The following PUM2 variants were observed in gnomAD, a reference collection of about 807,000 sequenced individuals.
PUM2 encodes pumilio homolog 2.
A neutral mutation model predicts 124.5 loss-of-function variants in PUM2; 57 were observed. The observed-to-expected ratio is 0.46, with a 90% CI of 0.37 to 0.57. The LOEUF (loss-of-function observed/expected upper bound fraction) is 0.57. Ranked by LOEUF, PUM2 falls within the 20% of genes least tolerant of loss-of-function variation. The pLI is 0.00. For missense variants in PUM2, 1,065 were observed against 1,290.6 expected (o/e 0.83, Z 2.68); for synonymous variants, 460 against 446.1 (o/e 1.03, Z -0.39).
At chr2:20,312,207 T>C (rs1679765600) in intron 4 of PUM2, 29 bp downstream of exon 4, 1 of 1,524,914 alleles carries the variant, frequency 6.6e-7, no homozygotes, top group Non-Finnish European at 9.0e-7. Flanking sequence ...CAAGCAAATA[T>C]TAAATATTTC....
At chr2:20,272,597 A>G (rs943625172) in intron 13 of PUM2, among the ~76,000 whole-genome samples, 5 of 152,198 alleles carry the variant, frequency 3.3e-5, no homozygotes, top group Non-Finnish European at 4.4e-5. Context: ...GGTATCCAGC[A>G]GTATTAAGTT....
chr2:20,265,067 GT>G (rs1288544260), intron 13 of PUM2, among the ~76,000 whole-genome samples: 5 of 152,110 alleles, frequency 3.3e-5, no homozygotes, highest in East Asian at 3.9e-4. Context: ...GACCAACATG[GT>G]GAAATCCCAC....
intron 3 of PUM2, among the ~76,000 whole-genome samples, chr2:20,316,596 T>C (rs895038788): frequency 1.3e-5 from 2 of 151,954 alleles, no homozygotes; most frequent in Non-Finnish European, 2.9e-5. Flanking sequence ...ATCAGTAAAA[T>C]GATATGCTAA....
chr2:20,259,353 G>A (rs1280845504), intron 15 of PUM2, among the ~76,000 whole-genome samples: 1 of 152,176 alleles, frequency 6.6e-6, no homozygotes, highest in Non-Finnish European at 1.5e-5. Flanking sequence ...ACACTGTTGT[G>A]CAACCACCAT....
At chr2:20,272,680 CT>C (rs1448033882) in intron 13 of PUM2, among the ~76,000 whole-genome samples, 1 of 152,148 alleles carries the variant, frequency 6.6e-6, no homozygotes, top group Non-Finnish European at 1.5e-5. Context: ...TTTGCATCAG[CT>C]TATCAATTTC....
chr2:20,308,802 A>C (rs1210131042), intron 5 of PUM2, among the ~76,000 whole-genome samples: 1 of 152,042 alleles, frequency 6.6e-6, no homozygotes, highest in East Asian at 1.9e-4. Context: ...ATTAATGATT[A>C]CTCCCTTCAA....
At chr2:20,268,439 C>T (rs1668219154) in intron 13 of PUM2, among the ~76,000 whole-genome samples, 2 of 151,996 alleles carry the variant, frequency 1.3e-5, no homozygotes, top group African/African-American at 4.8e-5. Flanking sequence ...CAGTGAAACC[C>T]CATCTCCACT....
Position 20,278,670 on chromosome 2 carries a change from T to C in PUM2, c.1870A>G (p.Met624Val). 1 of 1,613,544 alleles carries C rather than the reference T, an allele frequency of 6.2e-7. No individual in the cohort carries two copies. Among genetic ancestry groups the C allele is most frequent in the Non-Finnish European group, 8.5e-7 (1 of 1,179,680 alleles). The stretch of plus-strand genomic sequence containing the variant: ...CCTGGAGTTTGGCTTGGCAGAGGCA[T>C]GCCTATTGGACTTGGAGAGGAGGAA... The part of the protein sequence containing the change: ...GFSSSPSPIG[M>V]PLPSQTPGHS... Residue 624 changes from methionine to valine, a missense_variant, in exon 13 of 21, where the codon ATG becomes GTG. By Grantham distance (21) the Met-to-Val change is conservative. Transcript: ENST00000361078.
chr2:20,336,851 A>C (rs180868330), intron 1 of PUM2, among the ~76,000 whole-genome samples: 59 of 150,430 alleles, frequency 3.9e-4, no homozygotes, highest in Admixed American at 3.3e-3. Context: ...GGAACTCGTG[A>C]GTTCAAGTAA....
At chr2:20,279,280 C>T (rs1186814837) in intron 12 of PUM2, among the ~76,000 whole-genome samples, 1 of 152,128 alleles carries the variant, frequency 6.6e-6, no homozygotes, top group Non-Finnish European at 1.5e-5. Flanking sequence ...CTTCACCATT[C>T]ATATTTAATT....
intron 1 of PUM2, among the ~76,000 whole-genome samples, chr2:20,333,855 G>T (rs911880723): frequency 6.6e-6 from 1 of 152,116 alleles, no homozygotes; most frequent in African/African-American, 2.4e-5. Flanking sequence ...GAGTTCTCAT[G>T]AATGGATTAT....
At position 20,327,386 on chromosome 2, in the gene PUM2, A is replaced by G. The variant is rs372438605; in HGVS notation, c.-18-8T>C. On this transcript the variant is annotated splice_region_variant and splice_polypyrimidine_tract_variant and intron_variant, in intron 1 of 20. Coordinates refer to ENST00000361078, the MANE Select transcript of PUM2 (RefSeq NM_015317.5). ...TTCATCCACAGATCAAACCTGTTGA[A>G]TAACAAAAACAAAAATTAGTACAAA... 7.2e-6 allele frequency: 11 copies of G among 1,533,390 alleles called. No homozygotes were observed. Among genetic ancestry groups the G allele is most frequent in the Non-Finnish European group, 9.8e-6 (11 of 1,121,626 alleles). The allele number at this position is 1,533,390 out of a possible 1,614,324, so 95.0% of individuals were successfully genotyped here.
intron 2 of PUM2, chr2:20,326,286 C>T (rs1410894738): frequency 1.5e-6 from 2 of 1,303,832 alleles, no homozygotes; most frequent in Admixed American, 4.6e-5. Flanking sequence ...CTGAAAATGA[C>T]ATACTCTTTG....
At chr2:20,317,017 C>T (rs1043498637) in intron 3 of PUM2, among the ~76,000 whole-genome samples, 9 of 151,634 alleles carry the variant, frequency 5.9e-5, no homozygotes, top group African/African-American at 1.2e-4. Context: ...GGCCACAGAG[C>T]GAGACTCTGT....
chr2:20,350,920 T>G (rs943640892), upstream of PUM2: 29 of 383,754 alleles, frequency 7.6e-5, no homozygotes, highest in African/African-American at 5.5e-4. Flanking sequence ...GCGCGGCTCC[T>G]TTTAATGCCT....
intron 2 of PUM2, among the ~76,000 whole-genome samples, chr2:20,320,347 C>T (rs1682008185): frequency 6.6e-6 from 1 of 151,968 alleles, no homozygotes; most frequent in Non-Finnish European, 1.5e-5. Context: ...GATCTGAATA[C>T]AAATGGTGGG....
chr2:20,263,401 A>G lies in PUM2; in HGVS notation c.2017T>C (p.Tyr673His). The G allele has an allele frequency of 6.2e-7, 1 of 1,613,954 alleles. No individual in the cohort carries two copies. Among genetic ancestry groups the G allele is most frequent in the Non-Finnish European group, 8.5e-7 (1 of 1,179,818 alleles). ...CTGGAAGTGCTTGAAGCACTTCGAT[A>G]TTTTGCTTCTGCTCCAGGTGCTGCA... ...ISAAPGAEAKYRSASSTSSLF... is the reference protein window; with the variant it reads ...ISAAPGAEAKHRSASSTSSLF... The change falls in exon 14 of 21, where the codon TAT becomes CAT. Residue 673 changes from tyrosine (Y) to histidine (H), a missense_variant. Transcript: ENST00000361078.
chr2:20,344,681 A>G (rs115848243), intron 1 of PUM2, among the ~76,000 whole-genome samples: 293 of 152,160 alleles, frequency 1.9e-3, no homozygotes, highest in African/African-American at 5.6e-3. Flanking sequence ...ATTAACTTCT[A>G]TAACATTTTA....
rs149934389 is a variant in PUM2, at chr2:20,289,275, G to A, written c.1291+1377C>T. 7.6e-3 allele frequency among the ~76,000 whole-genome samples: 1,162 copies of A among 152,142 alleles called. 10 individuals carry two copies. The highest frequency in any genetic ancestry group is 0.027 in the African/African-American group (1,112 of 41,502). On this transcript the variant is annotated intron_variant, in intron 10 of 20. Coordinates refer to ENST00000361078, the MANE Select transcript of PUM2 (RefSeq NM_015317.5). ...CCAGAGGCACTCTTCTTAATTCCAG[G>A]TTCCACAGAGAAACTAGTTAAGCAG...
Sources: gnomAD v4.1 joint callset for allele counts (sites outside exome capture counted in the v4.1 genomes callset) on GRCh38, gnomAD v4.1.1 for gene constraint, MANE v1.5 for transcripts, NCBI Gene and HGNC (gene_info 2026-07-23, HGNC 2026-07-21) for gene names.